Variants in BDKRB2 observed in about 807,000 individuals in gnomAD.
The protein encoded by BDKRB2 is B2 bradykinin receptor.
Under a neutral mutation model 4.0 loss-of-function variants are expected in BDKRB2, and 6 were observed. That is an observed-to-expected ratio of 1.49 (90% CI 0.81 to 2.93). BDKRB2 has a LOEUF of 2.93. BDKRB2 is among the 30% of genes most tolerant of loss of function. The pLI is 0.00. For missense variants in BDKRB2, 478 were observed against 520.1 expected, an observed-to-expected ratio of 0.92 and a Z score of 0.79; for synonymous variants, 225 against 215.3, an observed-to-expected ratio of 1.05 and a Z score of -0.40.
chr14:96,205,227 T>C (rs997376114), intron 1 of BDKRB2, among the ~76,000 whole-genome samples: 2 of 152,140 alleles, frequency 1.3e-5, no homozygotes, highest in Non-Finnish European at 2.9e-5. Flanking sequence ...GTGTCCAGTG[T>C]GTGAGGGATT....
chr14:96,239,028 C>G (rs1885190106), intron 2 of BDKRB2: 1 of 985,384 alleles, frequency 1.0e-6, no homozygotes, highest in Non-Finnish European at 1.2e-6. Flanking sequence ...CTCCTAGAAG[C>G]AAACGGACTT....
intron 1 of BDKRB2, among the ~76,000 whole-genome samples, chr14:96,213,600 A>G (rs1890353716): frequency 6.6e-6 from 1 of 151,798 alleles, no homozygotes. Context: ...CACACCTACA[A>G]TGTTTGATGT....
At position 96,215,471 on chromosome 14, in the gene BDKRB2, C is replaced by CAAA. The variant is rs11385842; in HGVS notation, c.-40+10520_-40+10522dup. Among the ~76,000 whole-genome samples, 130 of 148,586 alleles carry CAAA rather than the reference C, an allele frequency of 8.7e-4. 1 individual carries two copies. The highest frequency in any genetic ancestry group is 6.9e-3 in the Middle Eastern group (2 of 290). ...TTTGATTATTTTCAAAAATGCCAAA[C>CAAA]AAAAAAAAAAGGGAGGGGGTTGAAG... On this transcript the variant is annotated intron_variant, in intron 1 of 2. Transcript: ENST00000554311.
intron 1 of BDKRB2, among the ~76,000 whole-genome samples, chr14:96,214,010 A>G (rs1321619396): frequency 2.0e-5 from 3 of 152,054 alleles, no homozygotes; most frequent in African/African-American, 7.2e-5. Context: ...AGGGGACAGG[A>G]GGGGAAGGAG....
chr14:96,217,177 G>T (rs1173059503), intron 1 of BDKRB2, among the ~76,000 whole-genome samples: 1 of 152,214 alleles, frequency 6.6e-6, no homozygotes, highest in African/African-American at 2.4e-5. Context: ...CCTGTTCTGT[G>T]CTCAAGGGAC....
intron 1 of BDKRB2, among the ~76,000 whole-genome samples, chr14:96,235,815 G>GCA (rs149331794): frequency 0.24 from 35,669 of 150,652 alleles, 4,929 homozygotes; most frequent in Non-Finnish European, 0.32. Flanking sequence ...ACCCACACAT[G>GCA]CACACACACA....
At chr14:96,218,198 G>C (rs1890471292) in intron 1 of BDKRB2, among the ~76,000 whole-genome samples, 1 of 152,080 alleles carries the variant, frequency 6.6e-6, no homozygotes, top group South Asian at 2.1e-4. Flanking sequence ...TGAGATGCTC[G>C]TGCATGACTT....
At chr14:96,216,424 A>C (rs1219323312) in intron 1 of BDKRB2, among the ~76,000 whole-genome samples, 1 of 152,080 alleles carries the variant, frequency 6.6e-6, no homozygotes, top group Non-Finnish European at 1.5e-5. Context: ...TGAGGCCAGG[A>C]GTTCGAGACA....
intron 1 of BDKRB2, among the ~76,000 whole-genome samples, chr14:96,216,205 T>C (rs1890413152): frequency 6.6e-6 from 1 of 152,054 alleles, no homozygotes; most frequent in Admixed American, 6.5e-5. Context: ...GCCCCACATA[T>C]AGCCTGTGCC....
intron 1 of BDKRB2, among the ~76,000 whole-genome samples, chr14:96,222,256 C>T (rs1566690549): frequency 6.6e-6 from 1 of 152,114 alleles, no homozygotes; most frequent in Non-Finnish European, 1.5e-5. Flanking sequence ...TCTGGGGGCA[C>T]CACCAGCTCA....
chr14:96,240,879 G>C lies in BDKRB2; in HGVS notation c.551G>C (p.Cys184Ser), dbSNP rs939563124. Reference protein sequence around the residue: ...AKLYSLVIWGCTLLLSSPMLV... With the variant: ...AKLYSLVIWGSTLLLSSPMLV... Reference sequence around the variant, plus strand: ...CTCTACAGCTTGGTGATCTGGGGGTGTACGCTGCTCCTGAGCTCACCCATG... The same window carrying C: ...CTCTACAGCTTGGTGATCTGGGGGTCTACGCTGCTCCTGAGCTCACCCATG... Residue 184 changes from cysteine to serine, a missense_variant, in exon 3 of 3, where the codon TGT (cysteine) becomes TCT (serine). Transcript: ENST00000554311. 6.3e-7 allele frequency: 1 copy of C among 1,591,344 alleles called. No homozygotes were observed. The highest frequency in any genetic ancestry group is 2.2e-5 in the East Asian group (1 of 44,808).
intron 1 of BDKRB2, among the ~76,000 whole-genome samples, chr14:96,211,315 C>T (rs1403917021): frequency 6.6e-6 from 1 of 152,236 alleles, no homozygotes; most frequent in Non-Finnish European, 1.5e-5. Flanking sequence ...TCGGAGATTG[C>T]ACCTTGTGCA....
At chr14:96,234,155 A>G (rs746241360) in intron 1 of BDKRB2, 4 of 152,234 alleles carry the variant, frequency 2.6e-5, no homozygotes, top group Admixed American at 2.0e-4. Flanking sequence ...GCACATTCCA[A>G]TTGGGTAATA....
chr14:96,205,775 T>C (rs1473598347), intron 1 of BDKRB2, among the ~76,000 whole-genome samples: 1 of 152,216 alleles, frequency 6.6e-6, no homozygotes, highest in Non-Finnish European at 1.5e-5. Flanking sequence ...GGTAGGCTCT[T>C]GCCTGTGAAG....
chr14:96,223,141 T>C (rs949640782), intron 1 of BDKRB2: 30 of 1,275,624 alleles, frequency 2.4e-5, no homozygotes, highest in Non-Finnish European at 3.2e-5. Context: ...TTCGGACAGA[T>C]ACGACGACGA....
intron 1 of BDKRB2, among the ~76,000 whole-genome samples, chr14:96,209,868 T>C (rs1250829894): frequency 6.6e-6 from 1 of 152,052 alleles, no homozygotes; most frequent in Non-Finnish European, 1.5e-5. Flanking sequence ...CGGTGGTGCA[T>C]GCCTGTAGTC....
chr14:96,239,930 C>T, intron 2 of BDKRB2: 2 of 986,216 alleles, frequency 2.0e-6, no homozygotes, highest in Non-Finnish European at 2.4e-6. Flanking sequence ...GCCATGGTCT[C>T]CAAGCCAGAC....
intron 2 of BDKRB2, among the ~76,000 whole-genome samples, 161 bp downstream of exon 2, chr14:96,237,342 G>T (rs1435466296): frequency 6.6e-6 from 1 of 152,204 alleles, no homozygotes; most frequent in Non-Finnish European, 1.5e-5. Flanking sequence ...GTCCCTGTAG[G>T]CCTGTTGGGA....
At chr14:96,206,730 G>A (rs1566686094) in intron 1 of BDKRB2, among the ~76,000 whole-genome samples, 1 of 152,184 alleles carries the variant, frequency 6.6e-6, no homozygotes, top group Non-Finnish European at 1.5e-5. Context: ...GCTGCTTGTG[G>A]TCAGGGAGGG....
Sources: gnomAD v4.1 joint callset for allele counts (sites outside exome capture counted in the v4.1 genomes callset) on GRCh38, gnomAD v4.1.1 for gene constraint, MANE v1.5 for transcripts, NCBI Gene and HGNC (gene_info 2026-07-23, HGNC 2026-07-21) for gene names.